MTMR3: variants seen among roughly 807,000 people sequenced by gnomAD.
The protein encoded by MTMR3 is phosphatidylinositol-3,5-bisphosphate 3-phosphatase MTMR3.
Under a neutral mutation model 132.4 loss-of-function variants are expected in MTMR3, and 32 were observed. The observed-to-expected ratio is 0.24, with a 90% CI of 0.18 to 0.32. The LOEUF is 0.32. Ranked by LOEUF, MTMR3 falls within the 10% of genes least tolerant of loss-of-function variation. The pLI, the probability that MTMR3 is intolerant of heterozygous loss-of-function variation, is 1.00. For missense variants in MTMR3, 1,216 were observed against 1,489.6 expected (o/e 0.82, Z 3.02); for synonymous variants, 556 against 550.3 (o/e 1.01, Z -0.14).
chr22:29,995,106 C>T (rs2059256503), intron 7 of MTMR3: 1 of 152,276 alleles, frequency 6.6e-6, no homozygotes, highest in Admixed American at 6.5e-5. Flanking sequence ...ACCTCTCTAA[C>T]CTCTCTCATG....
intron 1 of MTMR3, among the ~76,000 whole-genome samples, chr22:29,935,729 C>G (rs924433653): frequency 5.4e-5 from 8 of 147,480 alleles, no homozygotes; most frequent in African/African-American, 1.7e-4. Context: ...ATGATCTCTT[C>G]TCTCCATGCC....
At chr22:29,907,427 T>C (rs903266218) in intron 1 of MTMR3, among the ~76,000 whole-genome samples, 2 of 144,272 alleles carry the variant, frequency 1.4e-5, no homozygotes, top group African/African-American at 5.9e-5. Flanking sequence ...AACTTTTTTA[T>C]TGATGGGTTC....
intron 2 of MTMR3, among the ~76,000 whole-genome samples, chr22:29,967,193 T>TTGTGTGTGTGTG (rs10680622): frequency 1.0e-3 from 146 of 142,044 alleles, no homozygotes; most frequent in African/African-American, 2.5e-3. Flanking sequence ...TTCACCTCTG[T>TTGTGTGTGTGTG]TGTGTGTGTG....
Position 29,998,719 on chromosome 22 carries a change from G to T in MTMR3, c.461-42G>T, listed in dbSNP as rs773730044. 3.4e-6 allele frequency: 5 copies of T among 1,466,034 alleles called. No homozygotes were observed. The East Asian group carries it at 6.9e-5, about 20-fold the overall frequency. 90.8% of individuals were successfully genotyped at this position (1,466,034 alleles called of 1,614,324 possible). On this transcript the variant is annotated intron_variant, in intron 7 of 19. Coordinates refer to ENST00000401950, the MANE Select transcript of MTMR3 (RefSeq NM_021090.4). ...TTTATTCCACCTGTTTTGCAAAATG[G>T]TATTCATTTCTTCCTTTCTGCTGTT...
At chr22:29,915,518 T>C (rs957229177) in intron 1 of MTMR3, among the ~76,000 whole-genome samples, 2 of 152,064 alleles carry the variant, frequency 1.3e-5, no homozygotes, top group Non-Finnish European at 2.9e-5. Flanking sequence ...GCCTCCCGGG[T>C]TCAAGTGATT....
At chr22:29,927,399 T>C (rs1194712567) in intron 1 of MTMR3, among the ~76,000 whole-genome samples, 1 of 152,228 alleles carries the variant, frequency 6.6e-6, no homozygotes, top group Non-Finnish European at 1.5e-5. Context: ...AGCTCACTGA[T>C]AGAAAGATTG....
intron 1 of MTMR3, among the ~76,000 whole-genome samples, chr22:29,926,771 G>C (rs908029167): frequency 6.6e-6 from 1 of 152,058 alleles, no homozygotes; most frequent in African/African-American, 2.4e-5. Flanking sequence ...ATGTATTCTG[G>C]ATAGAAGTTC....
At chr22:29,968,018 A>G (rs972460539) in intron 2 of MTMR3, among the ~76,000 whole-genome samples, 2 of 151,450 alleles carry the variant, frequency 1.3e-5, no homozygotes, top group African/African-American at 4.9e-5. Flanking sequence ...GGTTGTTTGC[A>G]CTTTTGGCCA....
chr22:29,891,267 T>C (rs2064792604), intron 1 of MTMR3, among the ~76,000 whole-genome samples: 1 of 151,634 alleles, frequency 6.6e-6, no homozygotes, highest in Admixed American at 6.6e-5. Context: ...TTTCCTTTTT[T>C]ACCCTGGGGT....
chr22:29,908,982 C>CTTT lies in MTMR3; in HGVS notation c.-138+25634_-138+25636dup, dbSNP rs67722380. Among the ~76,000 whole-genome samples, 335 of 139,748 alleles carry CTTT rather than the reference C, an allele frequency of 2.4e-3. 18 individuals are homozygous for CTTT. The South Asian group carries it at 0.068, about 28-fold the overall frequency. 91.7% of individuals were successfully genotyped at this position (139,748 alleles called of 152,430 possible). ...GTTAATTTTTCTTTTCTTTTCTTTT[C>CTTT]TTTTTTTTTTTTTGAGACAAATTCT... On this transcript the variant is annotated intron_variant, in intron 1 of 19. Transcript: ENST00000401950.
At chr22:29,922,269 T>C (rs1318984571) in intron 1 of MTMR3, among the ~76,000 whole-genome samples, 3 of 152,156 alleles carry the variant, frequency 2.0e-5, no homozygotes, top group Non-Finnish European at 4.4e-5. Context: ...TTCTCCTGCC[T>C]TGACCTCCCA....
intron 2 of MTMR3, among the ~76,000 whole-genome samples, chr22:29,961,663 CTT>C (rs2066314120): frequency 6.6e-6 from 1 of 152,110 alleles, no homozygotes; most frequent in Non-Finnish European, 1.5e-5. Flanking sequence ...TAAAAATAAA[CTT>C]AGTGTAGCCT....
intron 5 of MTMR3, chr22:29,981,641 C>G (rs1345492828): frequency 6.6e-6 from 1 of 151,390 alleles, no homozygotes; most frequent in African/African-American, 2.4e-5. Context: ...CGAAACCAGC[C>G]TGGCCAAAAT....
In MTMR3 at chr22:30,029,256, C is replaced by A. The variant is rs978941755; in HGVS notation, c.*3455C>A. On this transcript the variant is annotated 3_prime_UTR_variant, in exon 20 of 20. Transcript: ENST00000401950. ...CAGGTTGTCTTCATCTCAGAACTTTCCTATCCTGGCACTCTCGTTACCTTT... is the reference window on the plus strand; with the variant it reads ...CAGGTTGTCTTCATCTCAGAACTTTACTATCCTGGCACTCTCGTTACCTTT... The A allele has an allele frequency of 6.6e-6, 1 of 152,350 alleles. No homozygotes were observed. Among genetic ancestry groups the A allele is most frequent in the Non-Finnish European group, 1.5e-5 (1 of 68,038 alleles). 9.4% of individuals were successfully genotyped at this position (152,350 alleles called of 1,614,324 possible).
In MTMR3 at chr22:29,901,459, T is replaced by A. The variant is rs548066645; in HGVS notation, c.-138+18100T>A. Among the ~76,000 whole-genome samples the A allele has an allele frequency of 4.6e-5, 7 of 152,274 alleles. No homozygotes were observed. In the East Asian group the frequency reaches 9.6e-4, roughly 21 times the overall value. On this transcript the variant is annotated intron_variant, in intron 1 of 19. Coordinates refer to ENST00000401950, the MANE Select transcript of MTMR3 (RefSeq NM_021090.4). ...AATAATTAAGACTCTATCATATGTA[T>A]GGTTGAAAATTATTTTTATTAAGGT...
chr22:29,919,481 C>T (rs577395150), intron 1 of MTMR3, among the ~76,000 whole-genome samples: 2 of 152,174 alleles, frequency 1.3e-5, no homozygotes, highest in East Asian at 1.9e-4. Flanking sequence ...GATATGTGAT[C>T]CTTGAAGTTT....
intron 1 of MTMR3, among the ~76,000 whole-genome samples, chr22:29,885,042 G>A (rs1415225375): frequency 1.3e-5 from 2 of 152,116 alleles, no homozygotes; most frequent in Non-Finnish European, 2.9e-5. Flanking sequence ...CCCGCTTGTC[G>A]TTAATGACCA....
chr22:30,018,368 C>A, intron 16 of MTMR3: 2 of 323,452 alleles, frequency 6.2e-6, no homozygotes, highest in Non-Finnish European at 1.1e-5. Context: ...TTGTGTTTTC[C>A]CCAGTGCTCT....
intron 17 of MTMR3, chr22:30,021,265 G>GT: frequency 4.2e-6 from 1 of 236,192 alleles, no homozygotes; most frequent in Non-Finnish European, 8.3e-6. Flanking sequence ...TTCTGCCTTA[G>GT]TAACTACAAA....
Sources: gnomAD v4.1 joint callset for allele counts (sites outside exome capture counted in the v4.1 genomes callset) on GRCh38, gnomAD v4.1.1 for gene constraint, MANE v1.5 for transcripts, NCBI Gene and HGNC (gene_info 2026-07-23, HGNC 2026-07-21) for gene names.